Variants in GPR39 observed in about 807,000 individuals in gnomAD.
GPR39 encodes the protein zinc sensing receptor.
GPR39 carries 23 observed loss-of-function variants against 18.4 expected under a neutral mutation model. The ratio of observed to expected loss-of-function variants is 1.25; its 90% CI spans 0.90 to 1.77. The LOEUF (loss-of-function observed/expected upper bound fraction) is 1.77, where lower values mean the gene tolerates loss of function less well. GPR39 is among the 40% of genes most tolerant of loss of function. The pLI is 0.00. For missense variants in GPR39, 647 were observed against 602.4 expected, an observed-to-expected ratio of 1.07 and a Z score of -0.78; for synonymous variants, 280 against 257.9, an observed-to-expected ratio of 1.09 and a Z score of -0.82.
chr2:132,636,878 C>T (rs959106404), intron 1 of GPR39, among the ~76,000 whole-genome samples: 8 of 152,178 alleles, frequency 5.3e-5, no homozygotes, highest in African/African-American at 1.4e-4. Context: ...GCAGCTTCCC[C>T]GGTGGGCTTG....
intron 1 of GPR39, among the ~76,000 whole-genome samples, chr2:132,560,833 C>A (rs187198210): frequency 6.6e-6 from 1 of 152,236 alleles, no homozygotes. Flanking sequence ...GGAACTCAGC[C>A]TCCTTTTGCC....
At chr2:132,597,375 C>T (rs1275217425) in intron 1 of GPR39, among the ~76,000 whole-genome samples, 1 of 152,202 alleles carries the variant, frequency 6.6e-6, no homozygotes, top group Non-Finnish European at 1.5e-5. Context: ...CTGGATTTCA[C>T]CACCTCATTC....
intron 1 of GPR39, among the ~76,000 whole-genome samples, chr2:132,441,951 T>C (rs942430437): frequency 3.3e-5 from 5 of 152,202 alleles, no homozygotes; most frequent in African/African-American, 1.2e-4. Flanking sequence ...CTATGGTGTG[T>C]GTTCCCAGGG....
At chr2:132,538,674 C>G (rs1679804971) in intron 1 of GPR39, among the ~76,000 whole-genome samples, 1 of 152,170 alleles carries the variant, frequency 6.6e-6, no homozygotes, top group Non-Finnish European at 1.5e-5. Context: ...ACCCATCCCT[C>G]CCCCCGGGTG....
intron 1 of GPR39, among the ~76,000 whole-genome samples, chr2:132,546,059 G>C (rs894313971): frequency 2.6e-5 from 4 of 152,198 alleles, no homozygotes; most frequent in Non-Finnish European, 5.9e-5. Context: ...AGTTTATCAG[G>C]CTTCTTAATG....
chr2:132,497,553 C>A (rs1681670399), intron 1 of GPR39, among the ~76,000 whole-genome samples: 1 of 152,174 alleles, frequency 6.6e-6, no homozygotes, highest in Non-Finnish European at 1.5e-5. Flanking sequence ...TATCACCATG[C>A]AAACAGTAAA....
chr2:132,568,496 A>G (rs1198959069), intron 1 of GPR39, among the ~76,000 whole-genome samples: 1 of 152,066 alleles, frequency 6.6e-6, no homozygotes, highest in African/African-American at 2.4e-5. Flanking sequence ...ACCTGAGGCC[A>G]GGAATTCGAA....
intron 1 of GPR39, among the ~76,000 whole-genome samples, chr2:132,573,938 T>C (rs1680485384): frequency 6.6e-6 from 1 of 152,246 alleles, no homozygotes; most frequent in Non-Finnish European, 1.5e-5. Context: ...CCTTGAAGAA[T>C]GTATTGCTTT....
intron 1 of GPR39, among the ~76,000 whole-genome samples, chr2:132,556,179 A>C (rs1343466679): frequency 6.6e-6 from 1 of 152,142 alleles, no homozygotes; most frequent in African/African-American, 2.4e-5. Flanking sequence ...CAAACTGTCA[A>C]ATTCATTAGG....
chr2:132,569,933 C>T (rs1238873200), intron 1 of GPR39, among the ~76,000 whole-genome samples: 1 of 152,184 alleles, frequency 6.6e-6, no homozygotes, highest in East Asian at 1.9e-4. Context: ...TGAGGTCTCC[C>T]CAGCCACGTG....
chr2:132,531,717 A>G (rs1679637590), intron 1 of GPR39, among the ~76,000 whole-genome samples: 1 of 152,246 alleles, frequency 6.6e-6, no homozygotes, highest in Non-Finnish European at 1.5e-5. Flanking sequence ...GCTCAACTAC[A>G]TGGAAACTGA....
intron 1 of GPR39, among the ~76,000 whole-genome samples, chr2:132,631,392 T>C (rs74718009): frequency 0.031 from 4,746 of 152,326 alleles, 251 homozygotes; most frequent in African/African-American, 0.11. Flanking sequence ...CTTATCATGT[T>C]GTGCAACAGC....
chr2:132,548,957 G>A (rs1482493826), intron 1 of GPR39, among the ~76,000 whole-genome samples: 2 of 152,218 alleles, frequency 1.3e-5, no homozygotes, highest in East Asian at 3.9e-4. Context: ...AGGTTCCCCT[G>A]TGATTCACTG....
At chr2:132,520,914 G>GT (rs1679413582) in intron 1 of GPR39, among the ~76,000 whole-genome samples, 1 of 152,334 alleles carries the variant, frequency 6.6e-6, no homozygotes, top group Admixed American at 6.5e-5. Context: ...AGGGATCTGT[G>GT]TCAGTTAGAA....
chr2:132,549,858 A>G (rs1680012284), intron 1 of GPR39, among the ~76,000 whole-genome samples: 1 of 152,208 alleles, frequency 6.6e-6, no homozygotes, highest in African/African-American at 2.4e-5. Context: ...ATGGCCTAGA[A>G]CATGACTTCT....
chr2:132,445,200 A>G (rs767112952), intron 1 of GPR39, among the ~76,000 whole-genome samples: 1 of 149,238 alleles, frequency 6.7e-6, no homozygotes, highest in Non-Finnish European at 1.5e-5. Context: ...CAGCATCCAT[A>G]TGTTATTCTG....
At position 132,416,810 on chromosome 2, in the gene GPR39, C is replaced by T. The variant is rs1679908419; in HGVS notation, c.-233C>T. 1 of 595,974 alleles carries T rather than the reference C, an allele frequency of 1.7e-6. No individual in the cohort carries two copies. The highest frequency in any genetic ancestry group is 2.2e-5 in the South Asian group (1 of 45,730). 36.9% of individuals were successfully genotyped at this position (595,974 alleles called of 1,614,324 possible). A position where few individuals can be genotyped will look rare whatever the true frequency, so the allele number is the denominator to read the frequency against. On this transcript the variant is annotated 5_prime_UTR_variant, in exon 1 of 2. Transcript: ENST00000329321. ...CTCCCCGCCTCGCCCCAGCCACATACACTCCCAAACCTCAACACCCAGGCG... is the reference window on the plus strand; with the variant it reads ...CTCCCCGCCTCGCCCCAGCCACATATACTCCCAAACCTCAACACCCAGGCG...
At chr2:132,421,825 AAG>A (rs1485906847) in intron 1 of GPR39, among the ~76,000 whole-genome samples, 3 of 143,650 alleles carry the variant, frequency 2.1e-5, no homozygotes, top group Non-Finnish European at 4.6e-5. Flanking sequence ...AGGGAAGAAG[AAG>A]AGAGAGAAGA....
chr2:132,636,851 T>G (rs1681764526), intron 1 of GPR39, among the ~76,000 whole-genome samples: 1 of 152,192 alleles, frequency 6.6e-6, no homozygotes, highest in Non-Finnish European at 1.5e-5. Context: ...GCTGCAAGCT[T>G]CTTCATTATA....
Sources: allele counts gnomAD v4.1 joint callset (sites outside exome capture counted in the v4.1 genomes callset), GRCh38; gene constraint gnomAD v4.1.1; transcripts MANE v1.5; gene names NCBI Gene and HGNC (gene_info 2026-07-23, HGNC 2026-07-21).